ADGRV1: variants seen among roughly 807,000 people sequenced by gnomAD.
ADGRV1 encodes the protein G-protein coupled receptor 98.
A neutral mutation model predicts 596.2 loss-of-function variants in ADGRV1; 359 were observed. The ratio of observed to expected loss-of-function variants is 0.60; its 90% CI spans 0.55 to 0.66. ADGRV1 has a LOEUF of 0.66. Ranked by LOEUF, ADGRV1 falls within the 30% of genes least tolerant of loss-of-function variation. The pLI, the probability that ADGRV1 is intolerant of heterozygous loss-of-function variation, is 0.00. For missense variants in ADGRV1, 7,274 were observed against 7,575.6 expected, an observed-to-expected ratio of 0.96 and a Z score of 1.48; for synonymous variants, 2,681 against 2,679.2, an observed-to-expected ratio of 1.00 and a Z score of -0.02.
At chr5:90,807,383 A>G (rs1194722950) in intron 72 of ADGRV1, among the ~76,000 whole-genome samples, 1 of 152,214 alleles carries the variant, frequency 6.6e-6, no homozygotes. Context: ...CAGGAAAGAA[A>G]AAGATATAAA....
chr5:90,759,036 C>T (rs1756150302), intron 57 of ADGRV1, among the ~76,000 whole-genome samples: 1 of 152,052 alleles, frequency 6.6e-6, no homozygotes, highest in African/African-American at 2.4e-5. Flanking sequence ...TTAGAACCTG[C>T]ATGACATTAA....
chr5:90,708,248 A>G (rs1268410154), intron 38 of ADGRV1, among the ~76,000 whole-genome samples: 1 of 152,082 alleles, frequency 6.6e-6, no homozygotes, highest in African/African-American at 2.4e-5. Context: ...TAATAATAAT[A>G]GCTATTAATT....
intron 24 of ADGRV1, among the ~76,000 whole-genome samples, chr5:90,675,748 A>G (rs1033838656): frequency 7.2e-5 from 11 of 152,124 alleles, no homozygotes; most frequent in Non-Finnish European, 1.3e-4. Flanking sequence ...TGATCCCACC[A>G]CTGCACTCCA....
chr5:90,759,160 C>T (rs573280132), intron 57 of ADGRV1, among the ~76,000 whole-genome samples: 4 of 151,852 alleles, frequency 2.6e-5, no homozygotes, highest in African/African-American at 9.7e-5. Flanking sequence ...TTTGAAATAC[C>T]ATAAATATAC....
rs1768974669 is a variant in ADGRV1, at chr5:90,653,669, C to A, written c.4095C>A (p.Ala1365=). The A allele has an allele frequency of 8.7e-6, 14 of 1,613,156 alleles. No individual in the cohort carries two copies. The highest frequency in any genetic ancestry group is 1.2e-5 in the Non-Finnish European group (14 of 1,179,606). The change falls in exon 20 of 90, where the codon GCC becomes GCA. Residue 1365 remains alanine (A), a synonymous_variant. Coordinates refer to ENST00000405460, the MANE Select transcript of ADGRV1 (RefSeq NM_032119.4). ...FTFSAWVMPN[A]NTNGFIIAKD... ...TCTCAGCTTGGGTAATGCCCAATGC[C>A]AATACGAATGGATTCATTATAGCGA...
At chr5:91,121,803 A>G (rs1333000130) in intron 87 of ADGRV1, among the ~76,000 whole-genome samples, 1 of 152,158 alleles carries the variant, frequency 6.6e-6, no homozygotes, top group Non-Finnish European at 1.5e-5. Flanking sequence ...TTAAAAGAAT[A>G]TGAAGCATGC....
At chr5:90,884,113 T>C (rs1379442849) in intron 83 of ADGRV1, among the ~76,000 whole-genome samples, 1 of 152,198 alleles carries the variant, frequency 6.6e-6, no homozygotes, top group Non-Finnish European at 1.5e-5. Flanking sequence ...AGACTAGGAT[T>C]TCTCAACTCA....
chr5:90,805,379 G>C lies in ADGRV1; in HGVS notation c.14757G>C (p.Ser4919=). Residue 4919 remains serine, a synonymous_variant, in exon 72 of 90, where the codon TCG becomes TCC. Transcript: ENST00000405460. ...GGAGAGGCACATATGGAGCTCTCTC[G>C]GTTGCCTGGACCACTGGATATGCTC... ...ISRRGTYGAL[S]VAWTTGYAPG... The C allele has an allele frequency of 3.1e-6, 5 of 1,611,192 alleles. No homozygotes were observed. The South Asian group carries it at 5.5e-5, about 18-fold the overall frequency.
chr5:90,885,344 C>G (rs1770178000), intron 83 of ADGRV1, among the ~76,000 whole-genome samples: 1 of 152,132 alleles, frequency 6.6e-6, no homozygotes, highest in African/African-American at 2.4e-5. Flanking sequence ...TTCTTAAAGT[C>G]TCAGGACTTT....
chr5:90,631,876 A>C (rs757115700), intron 9 of ADGRV1, among the ~76,000 whole-genome samples: 6 of 152,218 alleles, frequency 3.9e-5, no homozygotes, highest in Non-Finnish European at 2.9e-5. Context: ...CAAACAAAAA[A>C]ATCTCTGACT....
intron 72 of ADGRV1, among the ~76,000 whole-genome samples, chr5:90,807,010 G>A (rs1761966200): frequency 6.6e-6 from 1 of 151,848 alleles, no homozygotes; most frequent in African/African-American, 2.4e-5. Flanking sequence ...GCACCACCAT[G>A]CCTGGCTAAT....
intron 53 of ADGRV1, among the ~76,000 whole-genome samples, chr5:90,751,871 G>A (rs903353775): frequency 1.3e-5 from 2 of 152,202 alleles, no homozygotes; most frequent in Admixed American, 6.5e-5. Context: ...TACCAGAACT[G>A]TAAGTTGTGT....
chr5:91,133,717 T>C (rs901637373), intron 87 of ADGRV1, among the ~76,000 whole-genome samples: 2 of 152,364 alleles, frequency 1.3e-5, no homozygotes, highest in African/African-American at 4.8e-5. Context: ...TTTCATGTGC[T>C]GGTTCTTATA....
At chr5:90,690,200 G>T in intron 30 of ADGRV1, 124 bp downstream of exon 30, 1 of 620,404 alleles carries the variant, frequency 1.6e-6, no homozygotes. Flanking sequence ...TGCTGTTACT[G>T]ACATATAGGA....
At chr5:91,119,242 C>T (rs941576765) in intron 87 of ADGRV1, among the ~76,000 whole-genome samples, 14 of 152,194 alleles carry the variant, frequency 9.2e-5, no homozygotes, top group African/African-American at 3.4e-4. Flanking sequence ...TGTGCCATTT[C>T]AGAATGCCAG....
intron 84 of ADGRV1, among the ~76,000 whole-genome samples, chr5:90,975,611 C>T (rs1438901647): frequency 1.3e-5 from 2 of 152,024 alleles, no homozygotes; most frequent in African/African-American, 2.4e-5. Context: ...GGATGAAAAA[C>T]CAAACACCGC....
chr5:91,080,973 TG>T (rs1789309392), intron 86 of ADGRV1, among the ~76,000 whole-genome samples: 1 of 152,166 alleles, frequency 6.6e-6, no homozygotes, highest in African/African-American at 2.4e-5. Context: ...CCTTTCTTCA[TG>T]ATTTTGCCTG....
At chr5:90,837,805 C>T (rs1437643105) in intron 77 of ADGRV1, among the ~76,000 whole-genome samples, 1 of 152,082 alleles carries the variant, frequency 6.6e-6, no homozygotes, top group Non-Finnish European at 1.5e-5. Flanking sequence ...ATCACTACCA[C>T]CTTGTTTCAG....
At chr5:90,960,099 A>G (rs922800938) in intron 83 of ADGRV1, among the ~76,000 whole-genome samples, 1 of 150,046 alleles carries the variant, frequency 6.7e-6, no homozygotes, top group East Asian at 1.9e-4. Flanking sequence ...AGATCGCGCC[A>G]CTGCACTCCA....
Sources: allele counts gnomAD v4.1 joint callset (sites outside exome capture counted in the v4.1 genomes callset), GRCh38; gene constraint gnomAD v4.1.1; transcripts MANE v1.5; gene names NCBI Gene and HGNC (gene_info 2026-07-23, HGNC 2026-07-21).